The following BEGAIN variants were observed in gnomAD, a reference collection of about 807,000 sequenced individuals.
The protein encoded by BEGAIN is brain-enriched guanylate kinase-associated protein.
BEGAIN carries 19 observed loss-of-function variants against 35.8 expected under a neutral mutation model. The observed-to-expected ratio is 0.53, with a 90% CI of 0.37 to 0.78. The LOEUF (loss-of-function observed/expected upper bound fraction) is 0.78. Ranked by LOEUF, BEGAIN falls within the 30% of genes least tolerant of loss-of-function variation. BEGAIN has a pLI of 0.00. For synonymous variants in BEGAIN, 462 were observed against 388.6 expected (o/e 1.19, Z -2.22); for missense variants, 795 against 853.6 (o/e 0.93, Z 0.85).
chr14:100,563,101 C>T lies in BEGAIN; in HGVS notation c.71+4810G>A, dbSNP rs2034415141. ...AGGCCACCTGCTCTCCATCTGTCTC[C>T]ATCCCTGGGACATCAGCCTGGCACT... On this transcript the variant is annotated intron_variant, in intron 2 of 6. Coordinates refer to ENST00000554140, the MANE Select transcript of BEGAIN (RefSeq NM_001385089.1). This position sits in a 1 kb window ranked among gnomAD's most constrained non-coding sequence, Gnocchi z 4.2. Among the ~76,000 whole-genome samples the T allele has an allele frequency of 6.6e-6, 1 of 152,230 alleles. No individual in the cohort carries two copies. The highest frequency in any genetic ancestry group is 6.5e-5 in the Admixed American group (1 of 15,292).
chr14:100,546,755 C>A, intron 2 of BEGAIN, 93 bp from the exon 3 acceptor site: 1 of 1,241,402 alleles, frequency 8.1e-7, no homozygotes, highest in East Asian at 3.0e-5. Context: ...CACTAACACG[C>A]GAGTACCGGC....
Position 100,568,574 on chromosome 14 carries a change from G to T in BEGAIN, c.43-635C>A. The T allele has an allele frequency of 8.1e-7, 1 of 1,227,188 alleles. No individual in the cohort carries two copies. Among genetic ancestry groups the T allele is most frequent in the Non-Finnish European group, 1.1e-6 (1 of 940,568 alleles). 76.0% of individuals were successfully genotyped at this position (1,227,188 alleles called of 1,614,324 possible). On this transcript the variant is annotated intron_variant, in intron 1 of 6. Transcript: ENST00000554140. The surrounding 1 kb of genome is among the most constrained non-coding windows in gnomAD (Gnocchi z 7.5). ...GGATTAACCCGTGAGCGCCCGGCTCGCCGGCGGGGCTCCCTGCCTTGCTTG... is the reference window on the plus strand; with the variant it reads ...GGATTAACCCGTGAGCGCCCGGCTCTCCGGCGGGGCTCCCTGCCTTGCTTG...
chr14:100,546,774 GCGCGCGCACA>G (rs1354633055), intron 2 of BEGAIN, 112 bp from the exon 3 acceptor site: 34 of 756,536 alleles, frequency 4.5e-5, no homozygotes, highest in Middle Eastern at 4.0e-4. Context: ...GCGCGCGCGC[GCGCGCGCACA>G]CACACACACA....
Position 100,586,387 on chromosome 14 carries a change from T to G in BEGAIN, c.42+862A>C, listed in dbSNP as rs540733144. Among the ~76,000 whole-genome samples, 2 of 152,292 alleles carry G rather than the reference T, an allele frequency of 1.3e-5. No individual in the cohort carries two copies. The highest frequency in any genetic ancestry group is 4.8e-5 in the African/African-American group (2 of 41,570). The stretch of plus-strand genomic sequence containing the variant: ...GGCCATGCGGACTTTGCACGTGCAG[T>G]GCTCCCTATCCATCCGGCCCCGCTC... On this transcript the variant is annotated intron_variant, in intron 1 of 6. Coordinates refer to ENST00000554140, the MANE Select transcript of BEGAIN (RefSeq NM_001385089.1). This position sits in a 1 kb window ranked among gnomAD's most constrained non-coding sequence, Gnocchi z 4.9.
Position 100,568,186 on chromosome 14 carries a change from C to T in BEGAIN, c.43-247G>A. On this transcript the variant is annotated intron_variant, in intron 1 of 6. Transcript: ENST00000554140. This position sits in a 1 kb window ranked among gnomAD's most constrained non-coding sequence, Gnocchi z 7.5. ...GCCGCGCTCCCCGCACCGAGTTACG[C>T]CCCCCGGGGCGAAGAAGGGGCCGGC... 2 of 813,628 alleles carry T rather than the reference C, an allele frequency of 2.5e-6. No homozygotes were observed. The highest frequency in any genetic ancestry group is 3.0e-6 in the Non-Finnish European group (2 of 667,464). 50.4% of individuals were successfully genotyped at this position (813,628 alleles called of 1,614,324 possible).
rs145685588 is a variant in BEGAIN at position 100,580,929 on chromosome 14, C to T, written c.42+6320G>A. ...ATATAGGGGAGGGATCTCAGGCTCTCGGGAGGCCACAGTGTCCTCCTCCCA... is the reference window on the plus strand; with the variant it reads ...ATATAGGGGAGGGATCTCAGGCTCTTGGGAGGCCACAGTGTCCTCCTCCCA... On this transcript the variant is annotated intron_variant, in intron 1 of 6. Coordinates refer to ENST00000554140, the MANE Select transcript of BEGAIN (RefSeq NM_001385089.1). Among the ~76,000 whole-genome samples, 16 of 152,276 alleles carry T rather than the reference C, an allele frequency of 1.1e-4. 1 individual carries two copies. In the East Asian group the frequency reaches 1.5e-3, roughly 15 times the overall value.
chr14:100,555,554 G>C (rs765576228), intron 2 of BEGAIN, among the ~76,000 whole-genome samples: 1 of 152,188 alleles, frequency 6.6e-6, no homozygotes, highest in Non-Finnish European at 1.5e-5. Flanking sequence ...ACCCCACCCC[G>C]TTTTCCAGAT....
At chr14:100,569,036 C>A (rs2034964998) in intron 1 of BEGAIN, 1 of 789,794 alleles carries the variant, frequency 1.3e-6, no homozygotes, top group Non-Finnish European at 1.5e-6. Context: ...GCAGCCCGGC[C>A]GCAGCGCCAA....
chr14:100,562,999 C>T (rs943089749), intron 2 of BEGAIN, among the ~76,000 whole-genome samples: 3 of 152,082 alleles, frequency 2.0e-5, no homozygotes, highest in African/African-American at 7.2e-5. Context: ...GGGGCCCACG[C>T]GGGAGACTTG....
Position 100,546,601 on chromosome 14 carries a change from C to G in BEGAIN, c.133G>C (p.Glu45Gln), listed in dbSNP as rs776623931. ...KRLSYTTHKL[E>Q]KLETEFDSTR... is the part of the protein sequence containing the mutation. ...GAGTCGAACTCGGTCTCGAGCTTCT[C>G]GAGCTTGTGTGTGGTGTAGGACAGC... The change falls in exon 3 of 7, where the codon GAG (glutamate) becomes CAG (glutamine). Residue 45 changes from glutamate (E) to glutamine (Q), a missense_variant. By Grantham distance (29) the Glu-to-Gln change is conservative (BLOSUM62 2). Around this residue, in one of 3 missense-constraint regions of BEGAIN, gnomAD observed 58 missense variants for 62.7 expected, o/e 0.92. Coordinates refer to ENST00000554140, the MANE Select transcript of BEGAIN (RefSeq NM_001385089.1). The G allele has an allele frequency of 1.9e-6, 3 of 1,592,886 alleles. No homozygotes were observed. Among genetic ancestry groups the G allele is most frequent in the Non-Finnish European group, 2.6e-6 (3 of 1,172,530 alleles).
At chr14:100,564,501 A>G (rs572295811) in intron 2 of BEGAIN, among the ~76,000 whole-genome samples, 1 of 152,246 alleles carries the variant, frequency 6.6e-6, no homozygotes, top group East Asian at 1.9e-4. Flanking sequence ...TTGAGGGATT[A>G]GAGGCACAGA....
rs763566955 is a variant in BEGAIN, at chr14:100,540,491, G to A, written c.492+5C>T. ...GGGGTGGGCCTGGCTGCGGGGCCACGTTACCTCAGACACCTTGTGGACCCT... is the reference window on the plus strand; with the variant it reads ...GGGGTGGGCCTGGCTGCGGGGCCACATTACCTCAGACACCTTGTGGACCCT... On this transcript the variant is annotated splice_donor_5th_base_variant and intron_variant, in intron 6 of 6. Coordinates refer to ENST00000554140, the MANE Select transcript of BEGAIN (RefSeq NM_001385089.1). 19 of 1,588,866 alleles carry A rather than the reference G, an allele frequency of 1.2e-5. No individual in the cohort carries two copies. The highest frequency in any genetic ancestry group is 2.3e-5 in the East Asian group (1 of 43,838).
chr14:100,585,946 G>C (rs2035435996), intron 1 of BEGAIN, among the ~76,000 whole-genome samples: 1 of 152,258 alleles, frequency 6.6e-6, no homozygotes, highest in South Asian at 2.1e-4. Flanking sequence ...CACAGTGCTT[G>C]CTTTTCCAAG....
intron 2 of BEGAIN, among the ~76,000 whole-genome samples, chr14:100,560,144 C>G (rs1208258384): frequency 1.3e-5 from 2 of 152,204 alleles, no homozygotes; most frequent in African/African-American, 4.8e-5. Context: ...TGCCACAGGC[C>G]ACTGGGGCCA....
rs1191732034 is a variant in BEGAIN at position 100,546,441 on chromosome 14, GCCCC to G, written c.233+56_233+59del. ...CTCGCCCCGCCCCGGCCCTCGCCCCGCCCCGGCCCTCGCCCCGCCCCGGCCCTCG... is the reference window on the plus strand; with the variant it reads ...CTCGCCCCGCCCCGGCCCTCGCCCCGGGCCCTCGCCCCGCCCCGGCCCTCG... On this transcript the variant is annotated intron_variant, in intron 3 of 6. Transcript: ENST00000554140. The G allele has an allele frequency of 9.1e-3, 721 of 79,410 alleles. 60 individuals carry two copies. Among genetic ancestry groups the G allele is most frequent in the Admixed American group, 0.026 (115 of 4,346 alleles). The allele number at this position is 79,410 out of a possible 1,614,324, so 4.9% of individuals were successfully genotyped here. A position where few individuals can be genotyped will look rare whatever the true frequency, so the allele number is the denominator to read the frequency against.
At position 100,568,906 on chromosome 14, in the gene BEGAIN, G is replaced by A. The variant is rs975465466; in HGVS notation, c.43-967C>T. 4.1e-6 allele frequency: 4 copies of A among 984,480 alleles called. No individual in the cohort carries two copies. Among genetic ancestry groups the A allele is most frequent in the East Asian group, 1.1e-4 (1 of 8,794 alleles). The allele number at this position is 984,480 out of a possible 1,614,324, so 61.0% of individuals were successfully genotyped here. A position where few individuals can be genotyped will look rare whatever the true frequency, so the allele number is the denominator to read the frequency against. On this transcript the variant is annotated intron_variant, in intron 1 of 6. Transcript: ENST00000554140. This position sits in a 1 kb window ranked among gnomAD's most constrained non-coding sequence, Gnocchi z 7.5. ...AGGGACCACGCGACAGACCTGGGAA[G>A]ACTGATGACTGCCCATCCCGGCCCC...
intron 1 of BEGAIN, among the ~76,000 whole-genome samples, chr14:100,570,614 G>C (rs985454869): frequency 3.9e-5 from 6 of 152,178 alleles, no homozygotes; most frequent in African/African-American, 1.4e-4. Flanking sequence ...GGGGCGGGGG[G>C]ACTAAAAGAT....
At chr14:100,570,570 GCT>G (rs1298391432) in intron 1 of BEGAIN, among the ~76,000 whole-genome samples, 1 of 152,236 alleles carries the variant, frequency 6.6e-6, no homozygotes, top group Non-Finnish European at 1.5e-5. Flanking sequence ...CTGTGTCCCA[GCT>G]CTGTGTCCCT....
chr14:100,578,282 C>T (rs758397281), intron 1 of BEGAIN, among the ~76,000 whole-genome samples: 1 of 152,266 alleles, frequency 6.6e-6, no homozygotes, highest in Admixed American at 6.5e-5. Context: ...GGGCCTCCCC[C>T]TCTCCTACTC....
Sources: gnomAD v4.1 joint callset for allele counts (sites outside exome capture counted in the v4.1 genomes callset) on GRCh38, gnomAD v4.1.1 for gene constraint, gnomAD v4.1.1 regional missense constraint, Gnocchi (gnomAD v3.1) non-coding constraint, MANE v1.5 for transcripts, NCBI Gene and HGNC (gene_info 2026-07-23, HGNC 2026-07-21) for gene names.